SEMA4D: variants seen among roughly 807,000 people sequenced by gnomAD.
The protein encoded by SEMA4D is semaphorin-4D.
A neutral mutation model predicts 74.8 loss-of-function variants in SEMA4D; 22 were observed. The ratio of observed to expected loss-of-function variants is 0.29; its 90% CI spans 0.21 to 0.42. The LOEUF (loss-of-function observed/expected upper bound fraction) is 0.42, where lower values mean the gene tolerates loss of function less well. Among genes scored for constraint, SEMA4D ranks in the 10% least tolerant of loss-of-function variants. The pLI is 1.00. For synonymous variants in SEMA4D, 445 were observed against 463.7 expected, an observed-to-expected ratio of 0.96 and a Z score of 0.52; for missense variants, 937 against 1,118.4, an observed-to-expected ratio of 0.84 and a Z score of 2.31.
intron 1 of SEMA4D, among the ~76,000 whole-genome samples, chr9:89,496,795 G>A (rs539881753): frequency 1.2e-4 from 18 of 152,294 alleles, no homozygotes; most frequent in African/African-American, 4.3e-4. Context: ...CCAGGCCTAG[G>A]ACACATATGA....
chr9:89,448,708 G>A (rs1005413994), intron 2 of SEMA4D, among the ~76,000 whole-genome samples: 2 of 152,224 alleles, frequency 1.3e-5, no homozygotes, highest in African/African-American at 4.8e-5. Flanking sequence ...CTTCACTGGC[G>A]GGCATGACAG....
chr9:89,462,258 G>A (rs757173303), intron 1 of SEMA4D, among the ~76,000 whole-genome samples: 29 of 152,162 alleles, frequency 1.9e-4, no homozygotes, highest in Non-Finnish European at 4.3e-4. Context: ...TTTCTCACAG[G>A]TATAGATCAT....
downstream of SEMA4D, chr9:89,376,950 C>T (rs757986924): frequency 1.3e-6 from 2 of 1,550,716 alleles, no homozygotes; most frequent in Admixed American, 2.0e-5. Context: ...GCACCCGAGG[C>T]TGGCCAGGGG....
At chr9:89,427,628 C>T (rs1028125163) in intron 2 of SEMA4D, among the ~76,000 whole-genome samples, 5 of 152,214 alleles carry the variant, frequency 3.3e-5, no homozygotes, top group Admixed American at 6.5e-5. Context: ...CCTCTCCACC[C>T]CCCGGTCAGC....
intron 2 of SEMA4D, among the ~76,000 whole-genome samples, chr9:89,451,009 C>CA (rs1271974896): frequency 6.6e-5 from 10 of 152,272 alleles, no homozygotes; most frequent in African/African-American, 2.4e-4. Context: ...AATCAGGAGT[C>CA]AAAATTCATT....
intron 13 of SEMA4D, among the ~76,000 whole-genome samples, chr9:89,384,479 G>C (rs1837953510): frequency 6.6e-6 from 1 of 152,202 alleles, no homozygotes; most frequent in South Asian, 2.1e-4. Flanking sequence ...CAGGGCTGGA[G>C]GAGGGGAAAA....
chr9:89,457,244 G>C (rs78446408), intron 1 of SEMA4D, among the ~76,000 whole-genome samples: 33 of 152,196 alleles, frequency 2.2e-4, no homozygotes, highest in East Asian at 5.8e-4. Flanking sequence ...CGCCTGACAG[G>C]TGGGGAGCAG....
intron 2 of SEMA4D, among the ~76,000 whole-genome samples, chr9:89,427,926 T>C (rs559209731): frequency 8.6e-4 from 131 of 152,234 alleles, no homozygotes; most frequent in African/African-American, 3.1e-3. Context: ...TACCTGGCCA[T>C]TGTTCTGTCT....
At chr9:89,385,866 G>GGGGGGGCC in intron 13 of SEMA4D, 3 of 196,226 alleles carry the variant, frequency 1.5e-5, no homozygotes, top group Non-Finnish European at 2.7e-5. Flanking sequence ...CAGCGTGGAT[G>GGGGGGGCC]CCCGCCCACC....
At chr9:89,373,603 A>G (rs1174028907), downstream of SEMA4D, among the ~76,000 whole-genome samples, 1 of 152,210 alleles carries the variant, frequency 6.6e-6, no homozygotes. Flanking sequence ...TTCATATTCT[A>G]AAGACACTTT....
chr9:89,454,580 CGA>C (rs1366568480), intron 2 of SEMA4D, among the ~76,000 whole-genome samples: 1 of 152,202 alleles, frequency 6.6e-6, no homozygotes, highest in Admixed American at 6.5e-5. Context: ...AAGCCGGAAA[CGA>C]GAGACCTGCA....
chr9:89,432,581 T>C (rs1352371830), intron 2 of SEMA4D, among the ~76,000 whole-genome samples: 2 of 152,100 alleles, frequency 1.3e-5, no homozygotes, highest in East Asian at 1.9e-4. Context: ...CCCTCAATGA[T>C]AAAAACAGAT....
intron 2 of SEMA4D, among the ~76,000 whole-genome samples, chr9:89,448,613 G>A (rs935095672): frequency 6.6e-6 from 1 of 152,216 alleles, no homozygotes; most frequent in Non-Finnish European, 1.5e-5. Flanking sequence ...CAGAGAAGGC[G>A]TAAAACCACG....
intron 1 of SEMA4D, among the ~76,000 whole-genome samples, chr9:89,461,514 G>A (rs1857186324): frequency 6.6e-6 from 1 of 152,160 alleles, no homozygotes; most frequent in Non-Finnish European, 1.5e-5. Context: ...GGAGGCAACG[G>A]TGACTCACTG....
intron 2 of SEMA4D, among the ~76,000 whole-genome samples, chr9:89,427,247 C>T (rs1327823539): frequency 2.6e-5 from 4 of 152,208 alleles, no homozygotes; most frequent in African/African-American, 9.7e-5. Context: ...CCCTCAATTC[C>T]CTTCCTGGGG....
intron 2 of SEMA4D, among the ~76,000 whole-genome samples, chr9:89,427,503 G>T (rs1324800046): frequency 6.6e-6 from 1 of 152,180 alleles, no homozygotes; most frequent in Non-Finnish European, 1.5e-5. Flanking sequence ...CACTGAAGGA[G>T]TCAAGCAAAC....
intron 13 of SEMA4D, 160 bp downstream of exon 13, chr9:89,386,207 G>A (rs569350214): frequency 4.4e-5 from 26 of 585,626 alleles, no homozygotes; most frequent in Admixed American, 1.3e-4. Context: ...CACAGCTCAC[G>A]GAATGGCTCT....
At chr9:89,370,563 G>A (rs972696292) in intron 16 of SEMA4D, among the ~76,000 whole-genome samples, 13 of 151,066 alleles carry the variant, frequency 8.6e-5, no homozygotes, top group Admixed American at 7.9e-4. Context: ...TGGTGCTGGT[G>A]TGTGGTATGT....
intron 12 of SEMA4D, 33 bp from the exon 13 acceptor site, chr9:89,386,515 A>G: frequency 1.4e-6 from 2 of 1,460,400 alleles, no homozygotes; most frequent in Non-Finnish European, 1.9e-6. Flanking sequence ...CAGTGACACT[A>G]ACCCAGACAC....
Sources: gnomAD v4.1 joint callset for allele counts (sites outside exome capture counted in the v4.1 genomes callset) on GRCh38, gnomAD v4.1.1 for gene constraint, MANE v1.5 for transcripts, NCBI Gene and HGNC (gene_info 2026-07-23, HGNC 2026-07-21) for gene names.